RETREG1: variants seen among roughly 807,000 people sequenced by gnomAD.
RETREG1 encodes the protein reticulophagy regulator 1.
RETREG1 carries 44 observed loss-of-function variants against 54.8 expected under a neutral mutation model. That is an observed-to-expected ratio of 0.80 (90% CI 0.63 to 1.03). The LOEUF (loss-of-function observed/expected upper bound fraction) is 1.03, where lower values mean the gene tolerates loss of function less well. Ranked by LOEUF, RETREG1 falls within the 50% of genes least tolerant of loss-of-function variation. The pLI is 0.00. For missense variants in RETREG1, 554 were observed against 605.1 expected (o/e 0.92, Z 0.89); for synonymous variants, 217 against 238.5 (o/e 0.91, Z 0.83).
chr5:16,573,750 T>G (rs1329982437), intron 1 of RETREG1, among the ~76,000 whole-genome samples: 10 of 145,456 alleles, frequency 6.9e-5, no homozygotes, highest in East Asian at 4.0e-4. Context: ...TTGTTTTTTT[T>G]TTTTTTTTTT....
In RETREG1 at chr5:16,508,722, GA is replaced by G. The variant is rs1232673216; in HGVS notation, c.459-25251del. ...CTACTCTAATGCTGAATATCAGGAG[GA>G]AAAAAACCCAGTAGAGACGTTCTTT... On this transcript the variant is annotated intron_variant, in intron 3 of 8. Transcript: ENST00000306320. 5.2e-5 allele frequency: 81 copies of G among 1,551,554 alleles called. No homozygotes were observed. In the East Asian group the frequency reaches 1.9e-3, roughly 36 times the overall value.
rs1741848624 is a variant in RETREG1, at chr5:16,561,322, C to A, written c.458+4441G>T. Among the ~76,000 whole-genome samples, 1 of 151,850 alleles carries A rather than the reference C, an allele frequency of 6.6e-6. No homozygotes were observed. Among genetic ancestry groups the A allele is most frequent in the African/African-American group, 2.4e-5 (1 of 41,302 alleles). ...ACCATCCTGGCTAACATGGTGAAAC[C>A]CCGTCTCTACTAAAAATACAAAAAA... On this transcript the variant is annotated intron_variant, in intron 3 of 8. Transcript: ENST00000306320. This position sits in a 1 kb window ranked among gnomAD's most constrained non-coding sequence, Gnocchi z 4.2.
chr5:16,478,192 T>C (rs937717302), intron 6 of RETREG1, 94 bp from the exon 7 acceptor site: 25 of 758,940 alleles, frequency 3.3e-5, no homozygotes, highest in Non-Finnish European at 5.6e-5. Flanking sequence ...ACATTTCTCA[T>C]ATTCTCCAAA....
intron 4 of RETREG1, 77 bp from the exon 5 acceptor site, chr5:16,481,170 T>C (rs1482664190): frequency 9.3e-7 from 1 of 1,077,968 alleles, no homozygotes; most frequent in East Asian, 2.4e-5. Flanking sequence ...CACACACAAT[T>C]GTAAATCTAT....
intron 1 of RETREG1, among the ~76,000 whole-genome samples, chr5:16,615,236 A>G (rs145939656): frequency 0.17 from 25,395 of 151,688 alleles, 2,504 homozygotes; most frequent in East Asian, 0.35. Context: ...TCTCTACTAA[A>G]AAAAATACAA....
In RETREG1 at chr5:16,563,216, A is replaced by G. The variant is rs552116055; in HGVS notation, c.458+2547T>C. Among the ~76,000 whole-genome samples, 86 of 152,220 alleles carry G rather than the reference A, an allele frequency of 5.6e-4. 1 individual carries two copies. ...TTAGTTAGCAGGAATCACTCCTCAG[A>G]GCCTACACATTTCTGTAGGAACAAA... On this transcript the variant is annotated intron_variant, in intron 3 of 8. Transcript: ENST00000306320.
intron 5 of RETREG1, among the ~76,000 whole-genome samples, chr5:16,479,761 T>G (rs1738689743): frequency 6.6e-6 from 1 of 152,094 alleles, no homozygotes; most frequent in Non-Finnish European, 1.5e-5. Flanking sequence ...TTTTAGGAAG[T>G]GTCCCGTATT....
chr5:16,612,896 T>A (rs956523282), intron 1 of RETREG1, among the ~76,000 whole-genome samples: 1 of 152,212 alleles, frequency 6.6e-6, no homozygotes, highest in African/African-American at 2.4e-5. Flanking sequence ...TCCTGTTCAG[T>A]TCCTGCACCA....
chr5:16,477,005 A>G (rs1738565430), intron 8 of RETREG1, among the ~76,000 whole-genome samples: 1 of 152,284 alleles, frequency 6.6e-6, no homozygotes, highest in South Asian at 2.1e-4. Context: ...CTTGACGTCC[A>G]TACTTCAGCC....
At chr5:16,513,668 C>T (rs1185157118) in intron 3 of RETREG1, among the ~76,000 whole-genome samples, 2 of 152,228 alleles carry the variant, frequency 1.3e-5, no homozygotes, top group African/African-American at 4.8e-5. Flanking sequence ...AGAATATCTC[C>T]ATGGTGGGCA....
At chr5:16,539,296 C>T (rs1377331224) in intron 3 of RETREG1, among the ~76,000 whole-genome samples, 2 of 152,052 alleles carry the variant, frequency 1.3e-5, no homozygotes, top group African/African-American at 2.4e-5. Context: ...TGCTCTGACC[C>T]GAAGCCAGCA....
rs561899720 is a variant in RETREG1 at position 16,488,540 on chromosome 5, G to A, written c.459-5068C>T. Among the ~76,000 whole-genome samples the A allele has an allele frequency of 5.3e-5, 8 of 152,280 alleles. No homozygotes were observed. The South Asian group carries it at 1.7e-3, about 32-fold the overall frequency. On this transcript the variant is annotated intron_variant, in intron 3 of 8. Coordinates refer to ENST00000306320, the MANE Select transcript of RETREG1 (RefSeq NM_001034850.3). ...AGATAAAGGGAGAGGTCTGATGTGG[G>A]GGATTCCTGGAGTCTTCAGCTGAGG... is the stretch of plus-strand genomic sequence containing the variant.
intron 3 of RETREG1, among the ~76,000 whole-genome samples, chr5:16,500,836 C>G (rs1228324792): frequency 2.6e-5 from 4 of 152,136 alleles, no homozygotes; most frequent in African/African-American, 9.7e-5. Flanking sequence ...CCCACAGATC[C>G]TCTAGACCAG....
chr5:16,544,854 G>T (rs1344381797), intron 3 of RETREG1, among the ~76,000 whole-genome samples: 1 of 152,078 alleles, frequency 6.6e-6, no homozygotes, highest in African/African-American at 2.4e-5. Flanking sequence ...GCAAAATGAG[G>T]CCTAGAATGC....
intron 3 of RETREG1, among the ~76,000 whole-genome samples, chr5:16,546,046 C>T (rs1741377394): frequency 6.6e-6 from 1 of 152,166 alleles, no homozygotes; most frequent in African/African-American, 2.4e-5. Context: ...TATGCCTGCA[C>T]CAGTCATATA....
intron 3 of RETREG1, among the ~76,000 whole-genome samples, chr5:16,533,025 C>T (rs1280967819): frequency 6.6e-6 from 1 of 151,720 alleles, no homozygotes; most frequent in African/African-American, 2.4e-5. Context: ...GACTAAAATG[C>T]ATACTTTAGC....
chr5:16,514,442 C>A (rs338330), intron 3 of RETREG1, among the ~76,000 whole-genome samples: 35,837 of 152,072 alleles, frequency 0.24, 4,458 homozygotes, highest in East Asian at 0.42. Flanking sequence ...TGTATTTTTG[C>A]CTTGTTTCAC....
At chr5:16,567,418 T>G (rs1579690739) in intron 2 of RETREG1, among the ~76,000 whole-genome samples, 1 of 152,140 alleles carries the variant, frequency 6.6e-6, no homozygotes, top group East Asian at 1.9e-4. Context: ...AGAGTACAAG[T>G]TGGAATGACA....
intron 7 of RETREG1, 91 bp from the exon 8 acceptor site, chr5:16,477,879 G>A (rs1648431472): frequency 6.6e-7 from 1 of 1,519,776 alleles, no homozygotes; most frequent in Non-Finnish European, 9.1e-7. Context: ...AAATGACAGA[G>A]TAATAAAAAC....
Sources: allele counts gnomAD v4.1 joint callset (sites outside exome capture counted in the v4.1 genomes callset), GRCh38; gene constraint gnomAD v4.1.1; non-coding constraint Gnocchi (gnomAD v3.1); transcripts MANE v1.5; gene names NCBI Gene and HGNC (gene_info 2026-07-23, HGNC 2026-07-21).